The following GLI2 variants were observed in gnomAD, a reference collection of about 807,000 sequenced individuals.
GLI2 encodes transcription activator GLI2.
A neutral mutation model predicts 78.9 loss-of-function variants in GLI2; 22 were observed. That is an observed-to-expected ratio of 0.28 (90% CI 0.20 to 0.40). GLI2 has a LOEUF of 0.40. Among genes scored for constraint, GLI2 ranks in the 10% least tolerant of loss-of-function variants. The probability of loss-of-function intolerance (pLI) is 1.00; values close to 1 mark genes in which losing one functional copy is unlikely to be tolerated. For synonymous variants in GLI2, 974 were observed against 963.7 expected (o/e 1.01, Z -0.20); for missense variants, 2,097 against 2,213.2 (o/e 0.95, Z 1.05).
At chr2:120,871,290 T>C (rs1688413846) in intron 2 of GLI2, among the ~76,000 whole-genome samples, 1 of 133,162 alleles carries the variant, frequency 7.5e-6, no homozygotes. Flanking sequence ...GGGCTGTACT[T>C]CCCTGCTTTC....
chr2:120,910,565 G>A (rs1341161236), intron 2 of GLI2, among the ~76,000 whole-genome samples: 4 of 152,222 alleles, frequency 2.6e-5, no homozygotes, highest in Non-Finnish European at 2.9e-5. Context: ...TTGGGGACCC[G>A]GGGTGGGCCC....
rs564451613 is a variant in GLI2 at position 120,769,611 on chromosome 2, C to T, written c.-30-27680C>T. ...ACAGAAGGCAAGCTCAGAGTCTTGC[C>T]CCTGCAGTGCTCATGCATGTGCGTG... On this transcript the variant is annotated intron_variant, in intron 1 of 13. Transcript: ENST00000361492. 5.3e-5 allele frequency among the ~76,000 whole-genome samples: 8 copies of T among 152,284 alleles called. No individual in the cohort carries two copies. In the East Asian group the frequency reaches 1.5e-3, roughly 29 times the overall value.
At chr2:120,851,986 G>A (rs1329297070) in intron 2 of GLI2, among the ~76,000 whole-genome samples, 3 of 152,206 alleles carry the variant, frequency 2.0e-5, no homozygotes. Flanking sequence ...GGTAGGAGGG[G>A]CAGCATTGCC....
chr2:120,888,473 G>A (rs1043870236), intron 2 of GLI2, among the ~76,000 whole-genome samples: 1 of 152,164 alleles, frequency 6.6e-6, no homozygotes, highest in Non-Finnish European at 1.5e-5. Context: ...AATTTTCAGG[G>A]TGTTTTCTTC....
intron 2 of GLI2, among the ~76,000 whole-genome samples, chr2:120,879,603 C>G (rs1677009514): frequency 6.6e-6 from 1 of 152,204 alleles, no homozygotes; most frequent in Non-Finnish European, 1.5e-5. Context: ...GGACAGCACT[C>G]TCAGGTGACA....
chr2:120,759,432 C>T (rs1238050158), intron 1 of GLI2, among the ~76,000 whole-genome samples: 1 of 152,176 alleles, frequency 6.6e-6, no homozygotes, highest in African/African-American at 2.4e-5. Flanking sequence ...GGTTCCCATG[C>T]CGCCTTCCTT....
At chr2:120,899,330 G>C (rs191618482) in intron 2 of GLI2, among the ~76,000 whole-genome samples, 4 of 152,206 alleles carry the variant, frequency 2.6e-5, no homozygotes, top group Admixed American at 2.6e-4. Context: ...CTCACTTTAG[G>C]GGTTTGCTTC....
chr2:120,788,594 A>G (rs1477580130), intron 1 of GLI2, among the ~76,000 whole-genome samples: 2 of 152,222 alleles, frequency 1.3e-5, no homozygotes, highest in African/African-American at 2.4e-5. Context: ...TGCATTTCCC[A>G]TTGGGGCCCT....
Position 120,816,612 on chromosome 2 carries a change from A to G in GLI2, c.148+19144A>G, listed in dbSNP as rs184910951. On this transcript the variant is annotated intron_variant, in intron 2 of 13. Transcript: ENST00000361492. ...AAATTCATTTGAAAATAACAATGATACAACTATTATATTTATGAAAAGAGC... is the reference window on the plus strand; with the variant it reads ...AAATTCATTTGAAAATAACAATGATGCAACTATTATATTTATGAAAAGAGC... Among the ~76,000 whole-genome samples, 27 of 151,922 alleles carry G rather than the reference A, an allele frequency of 1.8e-4. 1 individual carries two copies. In the East Asian group the frequency reaches 4.5e-3, roughly 25 times the overall value.
chr2:120,979,362 T>A (rs1271248661), intron 10 of GLI2, among the ~76,000 whole-genome samples: 1 of 152,174 alleles, frequency 6.6e-6, no homozygotes, highest in African/African-American at 2.4e-5. Flanking sequence ...TGGAGAGACT[T>A]ATTTTTTTAA....
intron 3 of GLI2, among the ~76,000 whole-genome samples, chr2:120,936,088 A>G (rs1004097614): frequency 2.0e-5 from 3 of 152,024 alleles, no homozygotes; most frequent in Non-Finnish European, 4.4e-5. Flanking sequence ...ACTGTCGGAC[A>G]TTTCCCCTCC....
At chr2:120,939,161 A>C (rs1680334850) in intron 3 of GLI2, among the ~76,000 whole-genome samples, 2 of 152,146 alleles carry the variant, frequency 1.3e-5, no homozygotes, top group African/African-American at 4.8e-5. Flanking sequence ...GGGCACCTGT[A>C]ATCCCAGCTA....
chr2:120,915,879 T>C (rs1346115027), intron 2 of GLI2, among the ~76,000 whole-genome samples: 2 of 152,150 alleles, frequency 1.3e-5, no homozygotes, highest in Non-Finnish European at 2.9e-5. Context: ...GAAGCACTGG[T>C]AAATGGTCAC....
chr2:120,876,335 C>G (rs1047280352), intron 2 of GLI2, among the ~76,000 whole-genome samples: 1 of 152,106 alleles, frequency 6.6e-6, no homozygotes, highest in South Asian at 2.1e-4. Context: ...GAGCGAGACT[C>G]CGTCTCAAAA....
intron 2 of GLI2, among the ~76,000 whole-genome samples, chr2:120,870,568 C>G (rs976905131): frequency 1.3e-5 from 2 of 152,158 alleles, no homozygotes; most frequent in Non-Finnish European, 2.9e-5. Context: ...GCCAGTGACA[C>G]CTGCCGGAAT....
intron 3 of GLI2, among the ~76,000 whole-genome samples, chr2:120,941,265 T>G (rs550723844): frequency 6.6e-6 from 1 of 152,186 alleles, no homozygotes; most frequent in African/African-American, 2.4e-5. Context: ...TCTTAAAAAA[T>G]GCAAATCCCC....
At chr2:120,904,527 G>A (rs1320702625) in intron 2 of GLI2, among the ~76,000 whole-genome samples, 1 of 152,184 alleles carries the variant, frequency 6.6e-6, no homozygotes, top group Non-Finnish European at 1.5e-5. Context: ...GACAGGGTCT[G>A]TGTGAACATG....
At chr2:120,936,691 A>G (rs1680215430) in intron 3 of GLI2, among the ~76,000 whole-genome samples, 1 of 152,184 alleles carries the variant, frequency 6.6e-6, no homozygotes, top group Non-Finnish European at 1.5e-5. Context: ...AGTTTCAGGC[A>G]TTGGTGGGGT....
chr2:120,955,233 C>A lies in GLI2; in HGVS notation c.458-12C>A. On this transcript the variant is annotated splice_polypyrimidine_tract_variant and intron_variant, in intron 4 of 13. Coordinates refer to ENST00000361492, the MANE Select transcript of GLI2 (RefSeq NM_001374353.1). Reference sequence around the variant, plus strand: ...GGTTCTGACGGCTTCTTTCTCTCCCCTCTGCCCACAGTGGCCCAGGAGCAC... The same window carrying A: ...GGTTCTGACGGCTTCTTTCTCTCCCATCTGCCCACAGTGGCCCAGGAGCAC... The A allele has an allele frequency of 6.4e-7, 1 of 1,564,852 alleles. No homozygotes were observed. Among genetic ancestry groups the A allele is most frequent in the Non-Finnish European group, 8.8e-7 (1 of 1,138,976 alleles).
Sources: allele counts gnomAD v4.1 joint callset (sites outside exome capture counted in the v4.1 genomes callset), GRCh38; gene constraint gnomAD v4.1.1; transcripts MANE v1.5; gene names NCBI Gene and HGNC (gene_info 2026-07-23, HGNC 2026-07-21).